TMCO5A: variants seen among roughly 807,000 people sequenced by gnomAD.
TMCO5A encodes transmembrane and coiled-coil domains 5A, also known as transmembrane and coiled-coil domain-containing protein 5A.
In TMCO5A, 34 loss-of-function variants were observed where a neutral mutation model predicts 42.3. The ratio of observed to expected loss-of-function variants is 0.80; its 90% confidence interval spans 0.61 to 1.07. The LOEUF (loss-of-function observed/expected upper bound fraction) is 1.07, where lower values mean the gene tolerates loss of function less well. Among genes scored for constraint, TMCO5A ranks in the 50% least tolerant of loss-of-function variants. The pLI, the probability that TMCO5A is intolerant of heterozygous loss-of-function variation, is 0.00. For synonymous variants in TMCO5A, 131 were observed against 115.6 expected, an observed-to-expected ratio of 1.13 and a Z score of -0.86; for missense variants, 357 against 327.9, an observed-to-expected ratio of 1.09 and a Z score of -0.69.
chr15:38,010,525 T>C, the TMCO5A span, among the ~76,000 whole-genome samples: 2 of 150,908 alleles, frequency 1.3e-5, no homozygotes, highest in Non-Finnish European at 2.9e-5. Context: ...GCTACAATGA[T>C]GTTATCACGA....
At chr15:38,015,549 G>A in the TMCO5A span, among the ~76,000 whole-genome samples, 1,120 of 152,130 alleles carry the variant, frequency 7.4e-3, 17 homozygotes, top group African/African-American at 0.026. Context: ...CATATTCTTT[G>A]GTATTTACCC....
At chr15:37,956,297 G>A (rs189216260), downstream of TMCO5A, among the ~76,000 whole-genome samples, 421 of 152,212 alleles carry the variant, frequency 2.8e-3, 6 homozygotes, top group Admixed American at 0.025. Context: ...AAAAATCAGT[G>A]AATCCAGGAG....
downstream of TMCO5A, among the ~76,000 whole-genome samples, chr15:37,954,696 G>C (rs1890240853): frequency 6.6e-6 from 1 of 151,796 alleles, no homozygotes; most frequent in South Asian, 2.1e-4. Flanking sequence ...ACCTTAAGTA[G>C]GAAAACTAAA....
intron 11 of TMCO5A, among the ~76,000 whole-genome samples, chr15:37,962,360 A>C (rs749701936): frequency 6.6e-6 from 1 of 152,106 alleles, no homozygotes; most frequent in Non-Finnish European, 1.5e-5. Flanking sequence ...GTGTATATTA[A>C]ACCATCTCTG....
the TMCO5A span, among the ~76,000 whole-genome samples, chr15:38,014,409 T>C: frequency 1.1e-4 from 17 of 152,320 alleles, no homozygotes; most frequent in African/African-American, 4.1e-4. Flanking sequence ...CCATTCTTAA[T>C]TTCAAGAAAA....
chr15:37,947,623 T>C, intron 10 of TMCO5A, 33 bp from the exon 11 acceptor site: 2 of 1,456,820 alleles, frequency 1.4e-6, no homozygotes, highest in Non-Finnish European at 1.9e-6. Flanking sequence ...CCTCCAGAAA[T>C]TGCTTATTTA....
the TMCO5A span, among the ~76,000 whole-genome samples, chr15:37,979,692 T>A: frequency 6.6e-6 from 1 of 151,716 alleles, no homozygotes; most frequent in Non-Finnish European, 1.5e-5. Context: ...GCTGCATTAG[T>A]CCTTTATCTT....
At chr15:37,999,243 C>T in the TMCO5A span, among the ~76,000 whole-genome samples, 1 of 152,150 alleles carries the variant, frequency 6.6e-6, no homozygotes. Context: ...CATGATCTTT[C>T]TCTTCTTTGG....
chr15:38,010,425 T>TCTCACACACACACACCCA, the TMCO5A span, among the ~76,000 whole-genome samples: 1 of 117,470 alleles, frequency 8.5e-6, no homozygotes, highest in Admixed American at 9.5e-5. Flanking sequence ...CAGAGGGAGA[T>TCTCACACACACACACCCA]CACACACACA....
chr15:38,028,802 C>A, the TMCO5A span, among the ~76,000 whole-genome samples: 3 of 152,250 alleles, frequency 2.0e-5, no homozygotes, highest in South Asian at 6.2e-4. Flanking sequence ...CAAGGTAACA[C>A]CTTGTGCGCC....
downstream of TMCO5A, among the ~76,000 whole-genome samples, chr15:37,967,922 C>T (rs1014657002): frequency 2.6e-5 from 4 of 152,130 alleles, no homozygotes; most frequent in Admixed American, 6.5e-5. Flanking sequence ...AAAACTGATC[C>T]TACACAACGT....
chr15:38,005,309 C>T, the TMCO5A span, among the ~76,000 whole-genome samples: 1 of 138,710 alleles, frequency 7.2e-6, no homozygotes, highest in Non-Finnish European at 1.5e-5. Context: ...AGCACAATGG[C>T]TTATGCCTAT....
At chr15:37,937,113 G>C in intron 4 of TMCO5A, 143 bp downstream of exon 4, 2 of 1,343,560 alleles carry the variant, frequency 1.5e-6, no homozygotes, top group Non-Finnish European at 2.0e-6. Flanking sequence ...TCCATGCGTG[G>C]AAGGGGATGT....
chr15:37,978,451 C>T, the TMCO5A span, among the ~76,000 whole-genome samples: 5 of 152,182 alleles, frequency 3.3e-5, no homozygotes, highest in African/African-American at 1.2e-4. Context: ...CAGCCGAGGA[C>T]CCTGCCTGGT....
At chr15:38,015,123 A>G in the TMCO5A span, among the ~76,000 whole-genome samples, 1 of 151,666 alleles carries the variant, frequency 6.6e-6, no homozygotes, top group Non-Finnish European at 1.5e-5. Context: ...AGCTGATTCA[A>G]TTGTGTCCAC....
chr15:37,938,235 TG>T lies in TMCO5A; in HGVS notation c.387+7del, dbSNP rs1373678656. On this transcript the variant is annotated splice_region_variant and intron_variant, in intron 6 of 11. Transcript: ENST00000319669. ...GAGCCCTAGAAGAGACAAAGGTAAATGAAAAAAACAATCCTAAATGTGGTTG... is the reference window on the plus strand; with the variant it reads ...GAGCCCTAGAAGAGACAAAGGTAAATAAAAAAACAATCCTAAATGTGGTTG... The T allele has an allele frequency of 1.3e-6, 2 of 1,542,792 alleles. No individual in the cohort carries two copies. Among genetic ancestry groups the T allele is most frequent in the Non-Finnish European group, 1.7e-6 (2 of 1,149,482 alleles).
chr15:37,937,106 A>C, intron 4 of TMCO5A, 136 bp downstream of exon 4: 2 of 1,390,464 alleles, frequency 1.4e-6, no homozygotes, highest in South Asian at 2.9e-5. Context: ...AAATTTGTCC[A>C]TGCGTGGAAG....
At chr15:38,016,909 CT>C in the TMCO5A span, among the ~76,000 whole-genome samples, 64 of 148,134 alleles carry the variant, frequency 4.3e-4, no homozygotes, top group South Asian at 2.4e-3. Context: ...CTGACCTAGG[CT>C]TTTTTTTTTC....
chr15:37,956,399 A>C (rs1890292659), downstream of TMCO5A, among the ~76,000 whole-genome samples: 1 of 152,198 alleles, frequency 6.6e-6, no homozygotes. Flanking sequence ...AATAAAAATC[A>C]TAAAGGGGAT....
Sources: gnomAD v4.1 joint callset for allele counts (sites outside exome capture counted in the v4.1 genomes callset) on GRCh38, gnomAD v4.1.1 for gene constraint, MANE v1.5 for transcripts, NCBI Gene and HGNC (gene_info 2026-07-23, HGNC 2026-07-21) for gene names.